The following ADAM12 variants were observed in gnomAD, a reference collection of about 807,000 sequenced individuals.
The protein encoded by ADAM12 is ADAM metallopeptidase domain 12.
Under a neutral mutation model 106.4 loss-of-function variants are expected in ADAM12, and 70 were observed. The observed-to-expected ratio is 0.66, with a 90% confidence interval of 0.54 to 0.80. ADAM12 has a LOEUF of 0.80. ADAM12 is among the 30% of genes least tolerant of loss of function. The pLI, the probability that ADAM12 is intolerant of heterozygous loss-of-function variation, is 0.00. For missense variants in ADAM12, 1,010 were observed against 1,171.9 expected (o/e 0.86, Z 2.02); for synonymous variants, 420 against 433.5 (o/e 0.97, Z 0.39).
intron 2 of ADAM12, among the ~76,000 whole-genome samples, chr10:126,283,075 A>G (rs1165052704): frequency 6.6e-6 from 1 of 151,848 alleles, no homozygotes; most frequent in Non-Finnish European, 1.5e-5. Flanking sequence ...CAGGCGTTAG[A>G]TTCTCATAAG....
intron 11 of ADAM12, among the ~76,000 whole-genome samples, chr10:126,092,368 A>G (rs1331814753): frequency 1.3e-5 from 2 of 152,214 alleles, no homozygotes; most frequent in Non-Finnish European, 2.9e-5. Context: ...GTGGCCCAGC[A>G]TAGCGATCAG....
chr10:126,179,483 AG>A (rs1957275877), intron 3 of ADAM12, among the ~76,000 whole-genome samples: 1 of 152,224 alleles, frequency 6.6e-6, no homozygotes, highest in African/African-American at 2.4e-5. Flanking sequence ...AATTCTAGAG[AG>A]AAAGTTCATG....
At chr10:126,022,183 G>A (rs1031701886) in intron 21 of ADAM12, among the ~76,000 whole-genome samples, 6 of 152,142 alleles carry the variant, frequency 3.9e-5, no homozygotes, top group Non-Finnish European at 8.8e-5. Context: ...GTTTGCCTGG[G>A]ACGTTCCCAA....
chr10:126,257,873 C>T (rs913895723), intron 3 of ADAM12, among the ~76,000 whole-genome samples: 1 of 152,138 alleles, frequency 6.6e-6, no homozygotes, highest in Non-Finnish European at 1.5e-5. Context: ...GAGTTCCTAA[C>T]CAGAGGTCAT....
At chr10:126,044,796 G>C (rs1306307621) in intron 17 of ADAM12, among the ~76,000 whole-genome samples, 1 of 152,212 alleles carries the variant, frequency 6.6e-6, no homozygotes, top group Non-Finnish European at 1.5e-5. Context: ...AGTAGAACTT[G>C]TCAGCAAGTG....
chr10:126,379,289 T>A (rs918996763), intron 1 of ADAM12, among the ~76,000 whole-genome samples: 1 of 152,084 alleles, frequency 6.6e-6, no homozygotes, highest in Non-Finnish European at 1.5e-5. Context: ...TTGGAACCAA[T>A]CCAAATGTCC....
chr10:126,266,434 AGAT>A (rs1490595966), intron 3 of ADAM12, among the ~76,000 whole-genome samples: 3 of 152,162 alleles, frequency 2.0e-5, no homozygotes, highest in Non-Finnish European at 2.9e-5. Context: ...GCAGGAAGGA[AGAT>A]GATGAGACCT....
At chr10:126,249,063 C>T (rs1958690107) in intron 3 of ADAM12, among the ~76,000 whole-genome samples, 1 of 152,096 alleles carries the variant, frequency 6.6e-6, no homozygotes, top group South Asian at 2.1e-4. Context: ...AATTATTATC[C>T]TTACTTTACA....
rs12260507 is a variant in ADAM12 at position 126,242,905 on chromosome 10, G to A, written c.260+36010C>T. 1.9e-3 allele frequency among the ~76,000 whole-genome samples: 293 copies of A among 152,206 alleles called. 1 individual carries two copies. The highest frequency in any genetic ancestry group is 3.2e-3 in the Non-Finnish European group (217 of 68,008). ...TGGACTTTTATGATCTCGTATAAGA[G>A]ATTCTTCCATTCTCCGCATTAAAAC... On this transcript the variant is annotated intron_variant, in intron 3 of 22. Transcript: ENST00000448723.
intron 2 of ADAM12, among the ~76,000 whole-genome samples, chr10:126,307,215 AT>A (rs1250800321): frequency 6.6e-6 from 1 of 152,092 alleles, no homozygotes; most frequent in African/African-American, 2.4e-5. Flanking sequence ...AATTCTGCAT[AT>A]TTTTCTCCAT....
intron 1 of ADAM12, among the ~76,000 whole-genome samples, chr10:126,370,058 C>T (rs1195235516): frequency 6.6e-6 from 1 of 152,108 alleles, no homozygotes; most frequent in African/African-American, 2.4e-5. Context: ...GGAACTGAAA[C>T]CTTCAGTTCA....
At position 126,040,871 on chromosome 10, in the gene ADAM12, G is replaced by A. The variant is rs142991032; in HGVS notation, c.2105-1442C>T. ...CCAGGGTTGCTCAAGCCAGAGGCCCGGGCAGTGACTGACTCCATTTCCCTC... is the reference window on the plus strand; with the variant it reads ...CCAGGGTTGCTCAAGCCAGAGGCCCAGGCAGTGACTGACTCCATTTCCCTC... On this transcript the variant is annotated intron_variant, in intron 18 of 22. Coordinates refer to ENST00000448723, the MANE Select transcript of ADAM12 (RefSeq NM_001288973.2). Among the ~76,000 whole-genome samples the A allele has an allele frequency of 7.7e-4, 117 of 152,132 alleles. 1 individual carries two copies. Among genetic ancestry groups the A allele is most frequent in the South Asian group, 5.2e-3 (25 of 4,814 alleles).
intron 16 of ADAM12, among the ~76,000 whole-genome samples, chr10:126,047,381 C>T (rs1954355810): frequency 6.6e-6 from 1 of 152,168 alleles, no homozygotes; most frequent in Admixed American, 6.5e-5. Context: ...GGGATGGTCA[C>T]ATTCCAGCTG....
chr10:126,099,512 TA>T (rs1044477911), intron 9 of ADAM12, among the ~76,000 whole-genome samples: 8 of 146,330 alleles, frequency 5.5e-5, no homozygotes, highest in African/African-American at 1.9e-4. Context: ...TGTATATAAA[TA>T]ATAAAGTTAC....
intron 3 of ADAM12, among the ~76,000 whole-genome samples, chr10:126,203,468 A>T (rs1244412639): frequency 1.3e-5 from 2 of 152,206 alleles, no homozygotes; most frequent in Admixed American, 6.5e-5. Flanking sequence ...GCCAAGAAAA[A>T]TTATGTTTTA....
rs541577117 is a variant in ADAM12, at chr10:126,179,360, C to T, written c.261-24055G>A. On this transcript the variant is annotated intron_variant, in intron 3 of 22. Coordinates refer to ENST00000448723, the MANE Select transcript of ADAM12 (RefSeq NM_001288973.2). ...AGTCATCCCACAGGATACAATCAATCGGCACCACTTTCTTTACACATTGGG... is the reference window on the plus strand; with the variant it reads ...AGTCATCCCACAGGATACAATCAATTGGCACCACTTTCTTTACACATTGGG... 1.1e-4 allele frequency among the ~76,000 whole-genome samples: 17 copies of T among 152,324 alleles called. 1 individual carries two copies. The highest frequency in any genetic ancestry group is 3.4e-4 in the African/African-American group (14 of 41,562).
At chr10:126,059,309 A>G (rs567892053) in intron 14 of ADAM12, among the ~76,000 whole-genome samples, 2 of 152,268 alleles carry the variant, frequency 1.3e-5, no homozygotes, top group East Asian at 3.9e-4. Flanking sequence ...TGTGTCACTG[A>G]TTTCCCTAAC....
At chr10:126,098,547 G>C in intron 9 of ADAM12, 47 bp from the exon 10 acceptor site, 1 of 1,489,916 alleles carries the variant, frequency 6.7e-7, no homozygotes, top group Non-Finnish European at 9.3e-7. Flanking sequence ...TAGAACGGGG[G>C]CATTCTCTAA....
chr10:126,120,998 A>G (rs1258002345), intron 5 of ADAM12, among the ~76,000 whole-genome samples: 6 of 131,056 alleles, frequency 4.6e-5, no homozygotes, highest in Admixed American at 4.4e-4. Context: ...TATATTATAT[A>G]TTACATATGC....
Sources: allele counts gnomAD v4.1 joint callset (sites outside exome capture counted in the v4.1 genomes callset), GRCh38; gene constraint gnomAD v4.1.1; transcripts MANE v1.5; gene names NCBI Gene and HGNC (gene_info 2026-07-23, HGNC 2026-07-21).